EDA: variants seen among roughly 807,000 people sequenced by gnomAD.
EDA encodes ectodysplasin-A.
A neutral mutation model predicts 23.6 loss-of-function variants in EDA; 2 were observed. That is an observed-to-expected ratio of 0.08 (90% CI 0.03 to 0.27). The LOEUF (loss-of-function observed/expected upper bound fraction) is 0.27. EDA is among the 10% of genes least tolerant of loss of function. The pLI, the probability that EDA is intolerant of heterozygous loss-of-function variation, is 1.00. For synonymous variants in EDA, 131 were observed against 132.0 expected (o/e 0.99, Z 0.05); for missense variants, 229 against 324.2 (o/e 0.71, Z 2.26).
At chrX:70,012,851 T>C (rs765625838) in intron 2 of EDA, among the ~76,000 whole-genome samples, 2 of 111,401 alleles carry the variant, frequency 1.8e-5, no homozygotes, top group African/African-American at 6.5e-5. Context: ...CACCGCTACC[T>C]GGGCTCTTGG....
chrX:69,696,517 A>C (rs1238392712), intron 1 of EDA, among the ~76,000 whole-genome samples: 1 of 111,744 alleles, frequency 8.9e-6, no homozygotes, highest in South Asian at 3.8e-4. Context: ...CTTTAGGATA[A>C]AAATTACCCT....
At chrX:69,795,425 T>C (rs1166687819) in intron 1 of EDA, among the ~76,000 whole-genome samples, 1 of 112,972 alleles carries the variant, frequency 8.9e-6, no homozygotes, top group African/African-American at 3.2e-5. Flanking sequence ...ACATCCTTAA[T>C]CATTCCTCAG....
At chrX:69,919,379 C>T (rs746723672) in intron 1 of EDA, among the ~76,000 whole-genome samples, 1 of 112,032 alleles carries the variant, frequency 8.9e-6, no homozygotes, top group Non-Finnish European at 1.9e-5. Context: ...ACCATGAGAC[C>T]GCCAACTTGT....
chrX:69,636,813 G>A (rs1932782441), intron 1 of EDA, among the ~76,000 whole-genome samples: 1 of 111,008 alleles, frequency 9.0e-6, no homozygotes, highest in African/African-American at 3.3e-5. Context: ...CTGGACTTAT[G>A]TGAAGTGAAC....
intron 1 of EDA, among the ~76,000 whole-genome samples, chrX:69,695,506 TTCTTTC>T (rs2011304071): frequency 2.2e-5 from 2 of 89,630 alleles, no homozygotes; most frequent in African/African-American, 3.7e-5. Context: ...CCTTCTTTCC[TTCTTTC>T]TTTTTTTTTT....
chrX:69,675,447 C>T (rs1934047056), intron 1 of EDA, among the ~76,000 whole-genome samples: 1 of 111,789 alleles, frequency 8.9e-6, no homozygotes, highest in Non-Finnish European at 1.9e-5. Flanking sequence ...TTCCCTGTAA[C>T]TATTCCATTT....
chrX:69,880,296 T>A (rs1183562523), intron 1 of EDA, among the ~76,000 whole-genome samples: 1 of 112,175 alleles, frequency 8.9e-6, no homozygotes, highest in Admixed American at 9.4e-5. Context: ...GACCTAATCA[T>A]CCTGCAGTTT....
intron 1 of EDA, among the ~76,000 whole-genome samples, chrX:69,950,394 C>T (rs1468681363): frequency 1.3e-5 from 1 of 78,318 alleles, no homozygotes; most frequent in African/African-American, 4.7e-5. Flanking sequence ...CAATGACATA[C>T]CATCTCACAC....
chrX:69,872,561 T>A (rs1375351320), intron 1 of EDA, among the ~76,000 whole-genome samples: 1 of 111,425 alleles, frequency 9.0e-6, no homozygotes, highest in Non-Finnish European at 1.9e-5. Flanking sequence ...GAAAAGATAA[T>A]CCATGCAAAT....
chrX:69,704,520 A>G (rs779948127), intron 1 of EDA, among the ~76,000 whole-genome samples: 1 of 110,010 alleles, frequency 9.1e-6, no homozygotes, highest in African/African-American at 3.3e-5. Context: ...GGGGGAGGGT[A>G]TAATGAGAAA....
intron 1 of EDA, among the ~76,000 whole-genome samples, chrX:69,863,563 G>A (rs952989781): frequency 7.5e-4 from 45 of 60,249 alleles, no homozygotes; most frequent in African/African-American, 2.9e-3. Flanking sequence ...GTATATATAT[G>A]TGTGTATATA....
At chrX:69,811,378 A>G (rs2015952139) in intron 1 of EDA, among the ~76,000 whole-genome samples, 1 of 112,523 alleles carries the variant, frequency 8.9e-6, no homozygotes, top group Non-Finnish European at 1.9e-5. Context: ...CCATATTCCT[A>G]TCCCTAAATG....
intron 1 of EDA, among the ~76,000 whole-genome samples, chrX:69,892,448 A>G (rs760801114): frequency 7.2e-5 from 8 of 110,989 alleles, no homozygotes; most frequent in Non-Finnish European, 1.3e-4. Flanking sequence ...TTTTTTTTAG[A>G]CACAAACTAA....
chrX:69,910,372 A>AGTGT (rs1488519660), intron 1 of EDA, among the ~76,000 whole-genome samples: 123 of 51,424 alleles, frequency 2.4e-3, no homozygotes, highest in African/African-American at 4.7e-3. Context: ...AGAGAGAGAG[A>AGTGT]GAGTGTGTGT....
chrX:69,678,431 A>T (rs773756369), intron 1 of EDA, among the ~76,000 whole-genome samples: 4 of 111,617 alleles, frequency 3.6e-5, no homozygotes, highest in South Asian at 7.6e-4. Flanking sequence ...CATTTTCACG[A>T]TATTGATTCT....
intron 2 of EDA, among the ~76,000 whole-genome samples, chrX:69,974,271 G>A (rs2019287110): frequency 9.0e-6 from 1 of 110,699 alleles, no homozygotes; most frequent in Admixed American, 9.7e-5. Context: ...TTTTATTAAA[G>A]CTAAATAAAT....
chrX:69,936,209 A>G (rs1021048602), intron 1 of EDA, among the ~76,000 whole-genome samples: 1 of 110,340 alleles, frequency 9.1e-6, no homozygotes, highest in Non-Finnish European at 1.9e-5. Context: ...CAAGAGCATC[A>G]TAAGTATGGC....
intron 1 of EDA, among the ~76,000 whole-genome samples, chrX:69,811,354 G>T (rs771455904): frequency 8.9e-6 from 1 of 112,548 alleles, no homozygotes; most frequent in Non-Finnish European, 1.9e-5. Context: ...GCTACTCTAA[G>T]TAGGGCCCCA....
At chrX:69,805,872 T>C (rs2015802499) in intron 1 of EDA, among the ~76,000 whole-genome samples, 1 of 111,793 alleles carries the variant, frequency 8.9e-6, no homozygotes, top group Non-Finnish European at 1.9e-5. Context: ...TACACTCTGA[T>C]ATAGGAAGAT....
Sources: allele counts gnomAD v4.1 joint callset (sites outside exome capture counted in the v4.1 genomes callset), GRCh38; gene constraint gnomAD v4.1.1; transcripts MANE v1.5; gene names NCBI Gene and HGNC (gene_info 2026-07-23, HGNC 2026-07-21).